GREM1: variants seen among roughly 807,000 people sequenced by gnomAD.
GREM1 encodes gremlin-1.
GREM1 carries 6 observed loss-of-function variants against 13.1 expected under a neutral mutation model. The ratio of observed to expected loss-of-function variants is 0.46; its 90% CI spans 0.25 to 0.91. GREM1 has a LOEUF of 0.91. GREM1 is among the 40% of genes least tolerant of loss of function. GREM1 has a pLI of 0.18. For synonymous variants in GREM1, 98 were observed against 93.7 expected, an observed-to-expected ratio of 1.05 and a Z score of -0.27; for missense variants, 185 against 233.9, an observed-to-expected ratio of 0.79 and a Z score of 1.36.
chr15:32,743,805 G>A lies in GREM1; in HGVS notation c.*12560G>A, dbSNP rs766960720. 2 of 151,830 alleles carry A rather than the reference G, an allele frequency of 1.3e-5. No homozygotes were observed. Among genetic ancestry groups the A allele is most frequent in the Admixed American group, 6.6e-5 (1 of 15,228 alleles). 9.4% of individuals were successfully genotyped at this position (151,830 alleles called of 1,614,324 possible). ...GTTGTTCTTCAAAATGAAGTTTCCC[G>A]CTCCAAGTCCCAGCCAGATATGTGA... On this transcript the variant is annotated 3_prime_UTR_variant, in exon 2 of 2. Coordinates refer to ENST00000651154, the MANE Select transcript of GREM1 (RefSeq NM_013372.7).
chr15:32,734,150 C>T lies in GREM1; in HGVS notation c.*2905C>T, dbSNP rs796165203. ...CAGGGGAAACAAAATCTTGACCCAG[C>T]TGAACATGTCTTCCTGAGTCAGTGC... is the stretch of plus-strand genomic sequence containing the variant. On this transcript the variant is annotated 3_prime_UTR_variant, in exon 2 of 2. Transcript: ENST00000651154. The T allele has an allele frequency of 2.9e-5, 7 of 241,498 alleles. No homozygotes were observed. The highest frequency in any genetic ancestry group is 1.6e-4 in the African/African-American group (7 of 45,112). The allele number at this position is 241,498 out of a possible 1,614,324, so 15.0% of individuals were successfully genotyped here. A position where few individuals can be genotyped will look rare whatever the true frequency, so the allele number is the denominator to read the frequency against.
intron 1 of GREM1, among the ~76,000 whole-genome samples, chr15:32,721,139 C>T (rs564729176): frequency 7.2e-5 from 11 of 151,846 alleles, no homozygotes; most frequent in Non-Finnish European, 1.3e-4. Context: ...CTGGGCAACA[C>T]GAGTGAAAAC....
At position 32,731,353 on chromosome 15, in the gene GREM1, C is replaced by T. The variant is rs548075623; in HGVS notation, c.*108C>T. ...CTTAAACCTAGAGGCCAGAAGAACC[C>T]CCAGCTGCCTCCTGGCAGGAGCCTG... On this transcript the variant is annotated 3_prime_UTR_variant, in exon 2 of 2. Transcript: ENST00000651154. 1.2e-6 allele frequency: 1 copy of T among 824,540 alleles called. No homozygotes were observed. Among genetic ancestry groups the T allele is most frequent in the South Asian group, 1.8e-5 (1 of 56,400 alleles). The allele number at this position is 824,540 out of a possible 1,614,324, so 51.1% of individuals were successfully genotyped here.
At chr15:32,718,625 C>A (rs1000504037) in intron 1 of GREM1, 5 of 368,542 alleles carry the variant, frequency 1.4e-5, no homozygotes, top group East Asian at 1.5e-4. Flanking sequence ...GGTCTGGGGG[C>A]GTCTTGGGGC....
intron 1 of GREM1, among the ~76,000 whole-genome samples, chr15:32,722,668 G>C (rs1158019513): frequency 3.3e-5 from 5 of 152,204 alleles, no homozygotes; most frequent in Non-Finnish European, 5.9e-5. Context: ...CTTGCTTGTA[G>C]ATGTTTACTC....
chr15:32,719,394 C>T (rs1267427022), intron 1 of GREM1, among the ~76,000 whole-genome samples: 5 of 152,200 alleles, frequency 3.3e-5, no homozygotes, highest in Non-Finnish European at 7.3e-5. Context: ...GGTGACCAGC[C>T]TCTGCTGTGA....
chr15:32,719,112 C>G (rs1025402412), intron 1 of GREM1: 1 of 154,142 alleles, frequency 6.5e-6, no homozygotes, highest in African/African-American at 2.4e-5. Context: ...CTTTCGTTCT[C>G]TCTCGCTGCC....
In GREM1 at chr15:32,731,674, A is replaced by G. The variant is rs994850688; in HGVS notation, c.*429A>G. 10 of 268,492 alleles carry G rather than the reference A, an allele frequency of 3.7e-5. No individual in the cohort carries two copies. Among genetic ancestry groups the G allele is most frequent in the Non-Finnish European group, 6.8e-5 (9 of 132,056 alleles). The allele number at this position is 268,492 out of a possible 1,614,324, so 16.6% of individuals were successfully genotyped here. ...GACCTGTTTTAGTGCTGCATTCGAC[A>G]TGGAAAAGTCCTTTTAACCTGTGCT... is the stretch of plus-strand genomic sequence containing the variant. On this transcript the variant is annotated 3_prime_UTR_variant, in exon 2 of 2. Coordinates refer to ENST00000651154, the MANE Select transcript of GREM1 (RefSeq NM_013372.7).
chr15:32,733,485 C>T lies in GREM1; in HGVS notation c.*2240C>T, dbSNP rs1054094654. The T allele has an allele frequency of 8.6e-6, 2 of 232,246 alleles. No individual in the cohort carries two copies. The highest frequency in any genetic ancestry group is 1.9e-5 in the Non-Finnish European group (2 of 108,082). 14.4% of individuals were successfully genotyped at this position (232,246 alleles called of 1,614,324 possible). A position where few individuals can be genotyped will look rare whatever the true frequency, so the allele number is the denominator to read the frequency against. On this transcript the variant is annotated 3_prime_UTR_variant, in exon 2 of 2. Transcript: ENST00000651154. Reference sequence around the variant, plus strand: ...TTTAGGAGCTTGTACCACAGTCTTGCACATAAGTGCAGATTTGGCTCAAGT... The same window carrying T: ...TTTAGGAGCTTGTACCACAGTCTTGTACATAAGTGCAGATTTGGCTCAAGT...
At chr15:32,726,213 G>T (rs189756681) in intron 1 of GREM1, among the ~76,000 whole-genome samples, 1 of 151,884 alleles carries the variant, frequency 6.6e-6, no homozygotes, top group South Asian at 2.1e-4. Context: ...TCTCAGTATC[G>T]CATCGCACTT....
intron 1 of GREM1, among the ~76,000 whole-genome samples, chr15:32,720,403 A>G (rs758761143): frequency 2.0e-5 from 3 of 152,222 alleles, no homozygotes; most frequent in Non-Finnish European, 4.4e-5. Context: ...AAGAAATTTC[A>G]TGCCGCAGAC....
intron 1 of GREM1, among the ~76,000 whole-genome samples, chr15:32,720,079 G>A (rs117055025): frequency 1.2e-3 from 182 of 150,106 alleles, no homozygotes; most frequent in African/African-American, 3.7e-3. Flanking sequence ...GTATGTGTGC[G>A]TGTGTGTGTG....
At position 32,735,612 on chromosome 15, in the gene GREM1, T is replaced by G. The variant is rs1170760823; in HGVS notation, c.*4367T>G. ...TCTGAAGCATTCAGTCAAAGCCTCT[T>G]GGCCACCTCTCTTTTTGTCATGGCC... On this transcript the variant is annotated 3_prime_UTR_variant, in exon 2 of 2. Transcript: ENST00000651154. 2 of 152,166 alleles carry G rather than the reference T, an allele frequency of 1.3e-5. No individual in the cohort carries two copies. The highest frequency in any genetic ancestry group is 2.9e-5 in the Non-Finnish European group (2 of 68,016). 9.4% of individuals were successfully genotyped at this position (152,166 alleles called of 1,614,324 possible).
rs568855628 is a variant in GREM1, at chr15:32,735,751, C to A, written c.*4506C>A. 1 of 135,696 alleles carries A rather than the reference C, an allele frequency of 7.4e-6. No homozygotes were observed. The highest frequency in any genetic ancestry group is 2.2e-4 in the East Asian group (1 of 4,512). 8.4% of individuals were successfully genotyped at this position (135,696 alleles called of 1,614,324 possible). On this transcript the variant is annotated 3_prime_UTR_variant, in exon 2 of 2. Coordinates refer to ENST00000651154, the MANE Select transcript of GREM1 (RefSeq NM_013372.7). ...TGAAAGGTGTGAGTGGGACTTGACA[C>A]GGAAGAGCATTTCAAGCTTAAGAAA...
intron 1 of GREM1, 149 bp from the exon 2 acceptor site, chr15:32,730,541 T>G: frequency 1.7e-6 from 1 of 603,262 alleles, no homozygotes; most frequent in Non-Finnish European, 2.9e-6. Flanking sequence ...TAATAGTACC[T>G]AATTCATACA....
In GREM1 at chr15:32,731,205, G is replaced by T. The variant is rs1256642631; in HGVS notation, c.515G>T (p.Arg172Leu). 4.3e-6 allele frequency: 7 copies of T among 1,613,962 alleles called. No homozygotes were observed. The highest frequency in any genetic ancestry group is 5.9e-6 in the Non-Finnish European group (7 of 1,180,000). The change falls in exon 2 of 2, where the codon CGT becomes CTT. Residue 172 changes from arginine (R) to leucine (L), a missense_variant. Coordinates refer to ENST00000651154, the MANE Select transcript of GREM1 (RefSeq NM_013372.7). ...QPPTKKKRVT[R>L]VKQCRCISID... ...CCTACCAAGAAGAAGAGAGTCACAC[G>T]TGTGAAGCAGTGTCGTTGCATATCC...
At position 32,738,931 on chromosome 15, in the gene GREM1, A is replaced by G. The variant is rs1252876574; in HGVS notation, c.*7686A>G. The G allele has an allele frequency of 2.0e-5, 3 of 152,242 alleles. No homozygotes were observed. The highest frequency in any genetic ancestry group is 4.4e-5 in the Non-Finnish European group (3 of 68,046). The allele number at this position is 152,242 out of a possible 1,614,324, so 9.4% of individuals were successfully genotyped here. On this transcript the variant is annotated 3_prime_UTR_variant, in exon 2 of 2. Transcript: ENST00000651154. ...ACCACTGCACTCCAGCCTACATGAC[A>G]GAGTAAGTCTCTGTCTCAAAAACAA...
chr15:32,737,584 A>G lies in GREM1; in HGVS notation c.*6339A>G, dbSNP rs1179555733. The stretch of plus-strand genomic sequence containing the variant: ...CCTTTGTAATAAAATCACTCAACAC[A>G]CTAGGAAGAGAAGGGAACTTCTTCA... On this transcript the variant is annotated 3_prime_UTR_variant, in exon 2 of 2. Transcript: ENST00000651154. 1 of 152,098 alleles carries G rather than the reference A, an allele frequency of 6.6e-6. No homozygotes were observed. Among genetic ancestry groups the G allele is most frequent in the Non-Finnish European group, 1.5e-5 (1 of 68,028 alleles). 9.4% of individuals were successfully genotyped at this position (152,098 alleles called of 1,614,324 possible).
At chr15:32,727,712 C>G (rs1156844089) in intron 1 of GREM1, among the ~76,000 whole-genome samples, 2 of 152,276 alleles carry the variant, frequency 1.3e-5, no homozygotes, top group Non-Finnish European at 2.9e-5. Flanking sequence ...TCTCTGTTTG[C>G]AGATGACATG....
Sources: allele counts gnomAD v4.1 joint callset (sites outside exome capture counted in the v4.1 genomes callset), GRCh38; gene constraint gnomAD v4.1.1; transcripts MANE v1.5; gene names NCBI Gene and HGNC (gene_info 2026-07-23, HGNC 2026-07-21).